The following TTC23 variants were observed in gnomAD, a reference collection of about 807,000 sequenced individuals.
TTC23 encodes the protein tetratricopeptide repeat domain 23.
A neutral mutation model predicts 55.1 loss-of-function variants in TTC23; 58 were observed. The ratio of observed to expected loss-of-function variants is 1.05; its 90% CI spans 0.85 to 1.31. TTC23 has a LOEUF of 1.31. Ranked by LOEUF, TTC23 falls within the 50% of genes most tolerant of loss-of-function variation. The pLI, the probability that TTC23 is intolerant of heterozygous loss-of-function variation, is 0.00. For missense variants in TTC23, 516 were observed against 534.4 expected, an observed-to-expected ratio of 0.97 and a Z score of 0.34; for synonymous variants, 203 against 199.9, an observed-to-expected ratio of 1.02 and a Z score of -0.13.
At chr15:99,200,267 G>C (rs1197441961) in intron 8 of TTC23, among the ~76,000 whole-genome samples, 171 bp from the exon 9 acceptor site, 1 of 152,108 alleles carries the variant, frequency 6.6e-6, no homozygotes, top group Non-Finnish European at 1.5e-5. Context: ...TTAAGAAGAT[G>C]GGTTCTGGAA....
chr15:99,138,175 C>G (rs115566375), intron 13 of TTC23, 48 bp from the exon 14 acceptor site: 5 of 1,601,842 alleles, frequency 3.1e-6, no homozygotes, highest in Admixed American at 1.7e-5. Flanking sequence ...CTCAGCCCCC[C>G]ACACCGTTCC....
chr15:99,192,775 T>C (rs985972054), intron 9 of TTC23, among the ~76,000 whole-genome samples: 1 of 152,164 alleles, frequency 6.6e-6, no homozygotes, highest in Non-Finnish European at 1.5e-5. Flanking sequence ...GACCCCAGAA[T>C]AGTAGATCCA....
intron 8 of TTC23, among the ~76,000 whole-genome samples, chr15:99,213,819 T>A (rs1055581455): frequency 2.0e-5 from 3 of 152,252 alleles, no homozygotes; most frequent in Non-Finnish European, 4.4e-5. Flanking sequence ...TGTTTCCAAC[T>A]CTTGGCTATT....
intron 9 of TTC23, among the ~76,000 whole-genome samples, chr15:99,183,614 C>G (rs2074381541): frequency 6.7e-6 from 1 of 149,784 alleles, no homozygotes; most frequent in South Asian, 2.1e-4. Context: ...GCTGGGATTA[C>G]AAGCATGAGC....
chr15:99,250,784 C>A (rs185900100), upstream of TTC23, among the ~76,000 whole-genome samples: 80 of 152,226 alleles, frequency 5.3e-4, no homozygotes, highest in Middle Eastern at 3.4e-3. Flanking sequence ...TCAAAATAAA[C>A]CTTGGGTGTT....
chr15:99,233,428 A>T (rs1220514689), intron 4 of TTC23, among the ~76,000 whole-genome samples: 1 of 152,206 alleles, frequency 6.6e-6, no homozygotes, highest in African/African-American at 2.4e-5. Context: ...GACAATACAG[A>T]TGAACAAATT....
chr15:99,168,427 C>A (rs1425075777), intron 10 of TTC23, among the ~76,000 whole-genome samples: 1 of 152,218 alleles, frequency 6.6e-6, no homozygotes, highest in African/African-American at 2.4e-5. Flanking sequence ...AGGCTTCCAG[C>A]AACCTCAAGT....
chr15:99,187,022 A>C (rs1381612624), intron 9 of TTC23, among the ~76,000 whole-genome samples: 1 of 152,146 alleles, frequency 6.6e-6, no homozygotes, highest in Non-Finnish European at 1.5e-5. Context: ...CTTAAAAAAG[A>C]AGAACAAAAG....
intron 8 of TTC23, among the ~76,000 whole-genome samples, chr15:99,206,480 T>C (rs1416695306): frequency 6.6e-6 from 1 of 152,190 alleles, no homozygotes; most frequent in African/African-American, 2.4e-5. Flanking sequence ...AATGCTTCTA[T>C]CTTGTTACTT....
intron 9 of TTC23, among the ~76,000 whole-genome samples, chr15:99,186,059 C>T (rs1176575889): frequency 6.6e-6 from 1 of 152,166 alleles, no homozygotes; most frequent in Non-Finnish European, 1.5e-5. Flanking sequence ...CCTTTGAGGG[C>T]TGTGGCCTTA....
At chr15:99,166,111 G>A (rs979395654) in intron 10 of TTC23, among the ~76,000 whole-genome samples, 1 of 152,176 alleles carries the variant, frequency 6.6e-6, no homozygotes, top group Non-Finnish European at 1.5e-5. Flanking sequence ...CCGGGCTTTG[G>A]CTGAAGCAGC....
chr15:99,167,004 C>T (rs772031580), intron 10 of TTC23, among the ~76,000 whole-genome samples: 2 of 152,150 alleles, frequency 1.3e-5, no homozygotes, highest in Non-Finnish European at 2.9e-5. Flanking sequence ...ACTTATTTCC[C>T]CCAACCCCCT....
chr15:99,206,069 T>G (rs947656876), intron 8 of TTC23, among the ~76,000 whole-genome samples: 2 of 152,234 alleles, frequency 1.3e-5, no homozygotes, highest in African/African-American at 2.4e-5. Flanking sequence ...CTTTTCAGCA[T>G]CTATTGAAAT....
intron 5 of TTC23, among the ~76,000 whole-genome samples, chr15:99,226,994 T>A (rs1292336160): frequency 6.6e-6 from 1 of 152,242 alleles, no homozygotes; most frequent in African/African-American, 2.4e-5. Flanking sequence ...ACCATTCTAG[T>A]TACACAGAAA....
At chr15:99,209,398 T>A (rs991227275) in intron 8 of TTC23, among the ~76,000 whole-genome samples, 6 of 152,218 alleles carry the variant, frequency 3.9e-5, no homozygotes, top group African/African-American at 1.4e-4. Flanking sequence ...ACCTGATACA[T>A]ACAGGTAAAG....
intron 12 of TTC23, among the ~76,000 whole-genome samples, chr15:99,146,819 C>G (rs1272829873): frequency 6.6e-6 from 1 of 152,248 alleles, no homozygotes; most frequent in African/African-American, 2.4e-5. Context: ...CAGGAGGGTG[C>G]CTTTTCCCCA....
chr15:99,224,327 T>C (rs1414470786), intron 5 of TTC23, among the ~76,000 whole-genome samples: 1 of 152,244 alleles, frequency 6.6e-6, no homozygotes, highest in African/African-American at 2.4e-5. Flanking sequence ...TCTAGGTAGA[T>C]AAATATCCCT....
intron 5 of TTC23, among the ~76,000 whole-genome samples, chr15:99,223,109 C>T (rs1024160834): frequency 2.6e-5 from 4 of 152,152 alleles, no homozygotes; most frequent in African/African-American, 9.7e-5. Context: ...GACTGTTTGG[C>T]CAATAGAACG....
intron 9 of TTC23, among the ~76,000 whole-genome samples, chr15:99,183,505 T>A (rs1487646891): frequency 6.8e-6 from 1 of 147,396 alleles, no homozygotes; most frequent in East Asian, 2.0e-4. Flanking sequence ...GTATTTTTTT[T>A]TTTTTTTTTT....
Sources: allele counts gnomAD v4.1 joint callset (sites outside exome capture counted in the v4.1 genomes callset), GRCh38; gene constraint gnomAD v4.1.1; transcripts MANE v1.5; gene names NCBI Gene and HGNC (gene_info 2026-07-23, HGNC 2026-07-21).